The following BCO2 variants were observed in gnomAD, a reference collection of about 807,000 sequenced individuals.
BCO2 encodes the protein carotenoid-cleaving dioxygenase, mitochondrial.
Under a neutral mutation model 65.8 loss-of-function variants are expected in BCO2, and 56 were observed. The observed-to-expected ratio is 0.85, with a 90% confidence interval of 0.69 to 1.06. The LOEUF is 1.06. Ranked by LOEUF, BCO2 falls within the 50% of genes least tolerant of loss-of-function variation. BCO2 has a pLI of 0.00. For synonymous variants in BCO2, 233 were observed against 242.3 expected (o/e 0.96, Z 0.36); for missense variants, 675 against 698.5 (o/e 0.97, Z 0.38).
intron 2 of BCO2, among the ~76,000 whole-genome samples, chr11:112,193,064 G>A (rs1221571228): frequency 1.4e-5 from 2 of 144,174 alleles, no homozygotes; most frequent in African/African-American, 5.2e-5. Flanking sequence ...TGCAATCTCC[G>A]CCTCCCAGGT....
chr11:112,205,326 G>T (rs1392512117), intron 8 of BCO2, among the ~76,000 whole-genome samples: 1 of 152,110 alleles, frequency 6.6e-6, no homozygotes, highest in Non-Finnish European at 1.5e-5. Flanking sequence ...GTTATCTCTT[G>T]TCTTTTTGAT....
chr11:112,175,734 C>T (rs1200046419), intron 1 of BCO2, 45 bp downstream of exon 1: 1 of 1,512,786 alleles, frequency 6.6e-7, no homozygotes, highest in Non-Finnish European at 9.2e-7. Context: ...CTCTTCTTGC[C>T]AGTCTGCGCT....
rs2135398047 is a variant in BCO2, at chr11:112,214,825, C to T, written c.1396C>T (p.Pro466Ser). Reference sequence around the variant, plus strand: ...AGAAAAGGAAGGAGGCATTGAATTTCCTCAGATCTACTATGATCGATTCAG... The same window carrying T: ...AGAAAAGGAAGGAGGCATTGAATTTTCTCAGATCTACTATGATCGATTCAG... ...DLEKEGGIEF[P>S]QIYYDRFSGK... Residue 466 changes from proline (P) to serine (S), a missense_variant, in exon 10 of 12, where the codon CCT (proline) becomes TCT (serine). By Grantham distance (74) the Pro-to-Ser change is moderately conservative. Coordinates refer to ENST00000357685, the MANE Select transcript of BCO2 (RefSeq NM_031938.7). The T allele has an allele frequency of 1.2e-6, 2 of 1,613,930 alleles. No homozygotes were observed.
chr11:112,203,707 A>G (rs1029715570), intron 8 of BCO2, among the ~76,000 whole-genome samples: 3 of 152,154 alleles, frequency 2.0e-5, no homozygotes, highest in Non-Finnish European at 4.4e-5. Context: ...TTCATACTAC[A>G]TATCTACTGT....
intron 8 of BCO2, among the ~76,000 whole-genome samples, chr11:112,209,545 T>C (rs1490998211): frequency 6.6e-6 from 1 of 152,256 alleles, no homozygotes; most frequent in African/African-American, 2.4e-5. Context: ...GCACGTTTTG[T>C]GTGGACAACT....
intron 2 of BCO2, chr11:112,181,415 T>G (rs1243701363): frequency 6.7e-6 from 4 of 597,496 alleles, no homozygotes; most frequent in Middle Eastern, 9.1e-4. Flanking sequence ...TCTCCTGACC[T>G]CGTGATCCGC....
chr11:112,187,777 T>C (rs1054421802), intron 2 of BCO2, among the ~76,000 whole-genome samples: 1 of 151,982 alleles, frequency 6.6e-6, no homozygotes, highest in South Asian at 2.1e-4. Context: ...ACCTTACCTT[T>C]TGGGATGCTG....
chr11:112,214,811 G>A lies in BCO2; in HGVS notation c.1382G>A (p.Gly461Glu). 1.9e-6 allele frequency: 3 copies of A among 1,613,904 alleles called. No homozygotes were observed. The highest frequency in any genetic ancestry group is 2.5e-6 in the Non-Finnish European group (3 of 1,179,786). Residue 461 changes from glycine to glutamate, a missense_variant, in exon 10 of 12, where the codon GGA becomes GAA. By Grantham distance (98) the Gly-to-Glu change is moderately conservative. Transcript: ENST00000357685. ...CATCAGGAGGACCTAGAAAAGGAAGGAGGCATTGAATTTCCTCAGATCTAC... is the reference window on the plus strand; with the variant it reads ...CATCAGGAGGACCTAGAAAAGGAAGAAGGCATTGAATTTCCTCAGATCTAC... The part of the protein sequence containing the change: ...NLHQEDLEKE[G>E]GIEFPQIYYD...
rs575212536 is a variant in BCO2 at position 112,184,690 on chromosome 11, G to GT, written c.293+5218dup. On this transcript the variant is annotated intron_variant, in intron 2 of 11. Transcript: ENST00000357685. ...TGTGATTCTTTTACTTATATTTTTT[G>GT]TTTTTTTTTTAAACAAATTTTAGCC... 2.5e-3 allele frequency among the ~76,000 whole-genome samples: 376 copies of GT among 148,210 alleles called. 3 individuals are homozygous for GT. Among genetic ancestry groups the GT allele is most frequent in the Non-Finnish European group, 4.3e-3 (287 of 66,762 alleles).
rs756659796 is a variant in BCO2 at position 112,214,770 on chromosome 11, C to T, written c.1341C>T (p.Cys447=). ...AVKQADGTIW[C]SHENLHQEDL... ...TTTGAAATCTCTTTTAGATCTGGTG[C>T]TCTCATGAAAATCTACATCAGGAGG... Residue 447 remains cysteine (C), a synonymous_variant, in exon 10 of 12, where the codon TGC becomes TGT. Coordinates refer to ENST00000357685, the MANE Select transcript of BCO2 (RefSeq NM_031938.7). The T allele has an allele frequency of 1.9e-6, 3 of 1,612,468 alleles. No individual in the cohort carries two copies. Among genetic ancestry groups the T allele is most frequent in the Non-Finnish European group, 2.5e-6 (3 of 1,178,632 alleles).
rs934167402 is a variant in BCO2, at chr11:112,203,108, A to G, written c.1194+918A>G. 5.3e-5 allele frequency among the ~76,000 whole-genome samples: 8 copies of G among 152,000 alleles called. No homozygotes were observed. The South Asian group carries it at 1.7e-3, about 32-fold the overall frequency. On this transcript the variant is annotated intron_variant, in intron 8 of 11. Coordinates refer to ENST00000357685, the MANE Select transcript of BCO2 (RefSeq NM_031938.7). ...CCTTATTTCCTTATTACACTTAAGC[A>G]CCAAAGTTTGCTAGAAGGAATAGCA...
At chr11:112,208,433 G>A (rs77077085) in intron 8 of BCO2, among the ~76,000 whole-genome samples, 1 of 60,942 alleles carries the variant, frequency 1.6e-5, no homozygotes, top group Admixed American at 1.6e-4. Flanking sequence ...TTTTTTTTTT[G>A]TCTTATTTCA....
At chr11:112,208,046 G>A (rs750780485) in intron 8 of BCO2, among the ~76,000 whole-genome samples, 3 of 150,888 alleles carry the variant, frequency 2.0e-5, no homozygotes, top group Non-Finnish European at 4.4e-5. Context: ...TGCAACCTCT[G>A]CCTCCTGAGT....
chr11:112,195,775 G>C (rs1207861106), intron 5 of BCO2, among the ~76,000 whole-genome samples: 1 of 152,180 alleles, frequency 6.6e-6, no homozygotes, highest in Non-Finnish European at 1.5e-5. Flanking sequence ...AAAGTAACTA[G>C]ATCTGTGATT....
Position 112,213,708 on chromosome 11 carries a change from T to C in BCO2, c.1195-16T>C. On this transcript the variant is annotated splice_polypyrimidine_tract_variant and intron_variant, in intron 8 of 11. Transcript: ENST00000357685. ...ATATGAATGACAATTTTCATCTCTTTCTTCTTCCCAAACAGGTCCATAATT... is the reference window on the plus strand; with the variant it reads ...ATATGAATGACAATTTTCATCTCTTCCTTCTTCCCAAACAGGTCCATAATT... The C allele has an allele frequency of 6.2e-7, 1 of 1,611,216 alleles. No individual in the cohort carries two copies. The highest frequency in any genetic ancestry group is 8.5e-7 in the Non-Finnish European group (1 of 1,177,980).
At chr11:112,193,182 G>A (rs769782441) in intron 2 of BCO2, among the ~76,000 whole-genome samples, 1 of 151,430 alleles carries the variant, frequency 6.6e-6, no homozygotes, top group Non-Finnish European at 1.5e-5. Context: ...ATTTCACCAC[G>A]TTAGCCAGGA....
intron 5 of BCO2, among the ~76,000 whole-genome samples, chr11:112,196,584 C>T (rs1187927232): frequency 6.6e-6 from 1 of 152,146 alleles, no homozygotes; most frequent in Non-Finnish European, 1.5e-5. Flanking sequence ...TACTCTTGGA[C>T]TATAGAGCTT....
chr11:112,176,512 A>G (rs1866884262), intron 1 of BCO2: 1 of 4,804 alleles, frequency 2.1e-4, no homozygotes, highest in Non-Finnish European at 5.6e-4. Context: ...AAGAAAATTG[A>G]TTGGCGGGGG....
chr11:112,184,273 GAC>G (rs1366963790), intron 2 of BCO2, among the ~76,000 whole-genome samples: 2 of 146,556 alleles, frequency 1.4e-5, no homozygotes, highest in East Asian at 4.0e-4. Context: ...TTTTTTTTGA[GAC>G]AGAGTCTCGC....
Sources: allele counts gnomAD v4.1 joint callset (sites outside exome capture counted in the v4.1 genomes callset), GRCh38; gene constraint gnomAD v4.1.1; transcripts MANE v1.5; gene names NCBI Gene and HGNC (gene_info 2026-07-23, HGNC 2026-07-21).